Variants in AASDH observed in about 807,000 individuals in gnomAD.
AASDH encodes aminoadipate-semialdehyde dehydrogenase, also known as beta-alanine-activating enzyme.
A neutral mutation model predicts 102.3 loss-of-function variants in AASDH; 81 were observed. The ratio of observed to expected loss-of-function variants is 0.79; its 90% CI spans 0.66 to 0.95. The LOEUF (loss-of-function observed/expected upper bound fraction) is 0.95. Among genes scored for constraint, AASDH ranks in the 40% least tolerant of loss-of-function variants. The pLI, the probability that AASDH is intolerant of heterozygous loss-of-function variation, is 0.00. For missense variants in AASDH, 1,203 were observed against 1,266.2 expected (o/e 0.95, Z 0.76); for synonymous variants, 398 against 454.0 (o/e 0.88, Z 1.57).
chr4:56,371,585 C>A lies in AASDH; in HGVS notation c.727G>T (p.Asp243Tyr), dbSNP rs188668680. 1.2e-6 allele frequency: 2 copies of A among 1,612,996 alleles called. No individual in the cohort carries two copies. Among genetic ancestry groups the A allele is most frequent in the Non-Finnish European group, 1.7e-6 (2 of 1,179,816 alleles). ...VLFLASPLTF[D>Y]PSVVEIFLAL... ...AGAAATATTTCCACAACAGAAGGAT[C>A]GAAGGTCAGAGGTGAAGCCAGAAAC... The change falls in exon 5 of 15, where the codon GAT (aspartate) becomes TAT (tyrosine). Residue 243 changes from aspartate (D) to tyrosine (Y), a missense_variant. Asp to Tyr is a radical substitution (Grantham distance 160). Coordinates refer to ENST00000205214, the MANE Select transcript of AASDH (RefSeq NM_181806.4).
intron 2 of AASDH, among the ~76,000 whole-genome samples, chr4:56,383,017 G>C (rs867802197): frequency 2.3e-4 from 35 of 152,160 alleles, no homozygotes; most frequent in Admixed American, 2.0e-4. Context: ...AGATCACGCC[G>C]TTGCACTCCA....
At chr4:56,355,899 G>A (rs1270673188) in intron 5 of AASDH, among the ~76,000 whole-genome samples, 2 of 152,086 alleles carry the variant, frequency 1.3e-5, no homozygotes, top group South Asian at 2.1e-4. Context: ...TTACAGGCAT[G>A]AGCCACCATG....
intron 4 of AASDH, among the ~76,000 whole-genome samples, chr4:56,376,509 T>C (rs1752353204): frequency 6.6e-6 from 1 of 152,218 alleles, no homozygotes; most frequent in Non-Finnish European, 1.5e-5. Flanking sequence ...CACTAAAGAC[T>C]ATATTGTCGA....
At chr4:56,385,358 T>A (rs1753428907) in intron 1 of AASDH, among the ~76,000 whole-genome samples, 1 of 152,234 alleles carries the variant, frequency 6.6e-6, no homozygotes, top group Admixed American at 6.5e-5. Context: ...TAAGTTCACT[T>A]AGACTGAAAA....
At chr4:56,380,878 G>C (rs922251481) in intron 3 of AASDH, among the ~76,000 whole-genome samples, 1 of 152,234 alleles carries the variant, frequency 6.6e-6, no homozygotes, top group African/African-American at 2.4e-5. Context: ...AATATGTCTA[G>C]ACATTGCCAA....
intron 10 of AASDH, among the ~76,000 whole-genome samples, chr4:56,350,625 C>T (rs1338952346): frequency 2.0e-5 from 3 of 151,820 alleles, no homozygotes. Flanking sequence ...GTTTTCTTAC[C>T]CATAAAATTG....
chr4:56,382,460 GA>G lies in AASDH; in HGVS notation c.351+16del. On this transcript the variant is annotated intron_variant, in intron 3 of 14. Coordinates refer to ENST00000205214, the MANE Select transcript of AASDH (RefSeq NM_181806.4). ...AATGTAATACAGGCAAAAAACAATT[GA>G]AACATCCAGACTTACATTAATTTGT... The G allele has an allele frequency of 2.6e-6, 4 of 1,527,076 alleles. No homozygotes were observed. The South Asian group carries it at 3.6e-5, about 14-fold the overall frequency. The allele number at this position is 1,527,076 out of a possible 1,614,324, so 94.6% of individuals were successfully genotyped here. A position where few individuals can be genotyped will look rare whatever the true frequency, so the allele number is the denominator to read the frequency against.
rs1351634987 is a variant in AASDH, at chr4:56,378,164, T to C, written c.652A>G (p.Asn218Asp). The change falls in exon 4 of 15, where the codon AAT becomes GAT. Residue 218 changes from asparagine (N) to aspartate (D), a missense_variant. Coordinates refer to ENST00000205214, the MANE Select transcript of AASDH (RefSeq NM_181806.4). ...AGAACTTACCGAAAATGCTGGATAT[T>C]TGGTACTATACACTTATGAGGCACT... is the stretch of plus-strand genomic sequence containing the variant. ...VRVPHKCIVPNIQHFRVLFDI... is the reference protein window; with the variant it reads ...VRVPHKCIVPDIQHFRVLFDI... The C allele has an allele frequency of 1.2e-6, 2 of 1,601,516 alleles. No individual in the cohort carries two copies. Among genetic ancestry groups the C allele is most frequent in the African/African-American group, 2.7e-5 (2 of 74,146 alleles).
chr4:56,379,136 T>C (rs1752694110), intron 3 of AASDH, among the ~76,000 whole-genome samples: 1 of 151,872 alleles, frequency 6.6e-6, no homozygotes, highest in African/African-American at 2.4e-5. Context: ...ATCCGCCAGC[T>C]TCAGCCTCCC....
At chr4:56,368,220 CAG>C (rs1223717489) in intron 5 of AASDH, among the ~76,000 whole-genome samples, 4 of 152,152 alleles carry the variant, frequency 2.6e-5, no homozygotes, top group African/African-American at 9.7e-5. Context: ...CAGGAAACAA[CAG>C]GTGCTGGAGA....
intron 10 of AASDH, among the ~76,000 whole-genome samples, chr4:56,350,704 G>T (rs1748898040): frequency 6.6e-6 from 1 of 151,880 alleles, no homozygotes; most frequent in Non-Finnish European, 1.5e-5. Flanking sequence ...TCTATAATAT[G>T]GGAATAATTT....
At chr4:56,374,656 T>G (rs771534113) in intron 4 of AASDH, among the ~76,000 whole-genome samples, 1 of 152,206 alleles carries the variant, frequency 6.6e-6, no homozygotes, top group Non-Finnish European at 1.5e-5. Flanking sequence ...CAAATAAATT[T>G]ACAAATACAT....
chr4:56,350,020 A>G lies in AASDH; in HGVS notation c.1731T>C (p.Pro577=), dbSNP rs748787886. 13 of 1,603,534 alleles carry G rather than the reference A, an allele frequency of 8.1e-6. No homozygotes were observed. The highest frequency in any genetic ancestry group is 1.0e-5 in the Non-Finnish European group (12 of 1,178,842). Residue 577 remains proline, a synonymous_variant, in exon 11 of 15, where the codon CCT becomes CCC. Transcript: ENST00000205214. ...LNLPEDLLRV[P]DESLFLNSGG... ...CACTATTTAAGAAGAGTGACTCATC[A>G]GGAACCCTCAAAAGATCTTCTGGGA...
intron 5 of AASDH, among the ~76,000 whole-genome samples, chr4:56,370,036 A>C (rs1463775207): frequency 2.0e-5 from 3 of 151,990 alleles, no homozygotes; most frequent in Non-Finnish European, 4.4e-5. Flanking sequence ...TATGGTCTGA[A>C]TGTTTGTGTC....
At chr4:56,368,971 C>T (rs906374457) in intron 5 of AASDH, among the ~76,000 whole-genome samples, 9 of 151,946 alleles carry the variant, frequency 5.9e-5, no homozygotes, top group African/African-American at 2.2e-4. Flanking sequence ...AGAAAAGGCA[C>T]GTGCCTCACA....
At chr4:56,369,813 G>A (rs1013936844) in intron 5 of AASDH, among the ~76,000 whole-genome samples, 4 of 151,970 alleles carry the variant, frequency 2.6e-5, no homozygotes, top group Admixed American at 2.6e-4. Context: ...GGTGGTACAC[G>A]CCTGTAATCC....
chr4:56,360,131 T>G (rs943155133), intron 5 of AASDH, among the ~76,000 whole-genome samples: 3 of 152,270 alleles, frequency 2.0e-5, no homozygotes, highest in East Asian at 3.9e-4. Flanking sequence ...TCATTCAAAG[T>G]TCAGGTCATT....
intron 9 of AASDH, among the ~76,000 whole-genome samples, chr4:56,352,454 C>T (rs915338840): frequency 1.4e-4 from 21 of 152,068 alleles, no homozygotes; most frequent in African/African-American, 2.9e-4. Context: ...AGTGCAGTGG[C>T]GCAACCTCGG....
Position 56,349,558 on chromosome 4 carries a change from T to C in AASDH, c.2193A>G (p.Ser731=). ...CTTTTGCAACACAGGATGGATCTTTTGACTTCCCAATAAGAACTGGAGAAT... is the reference window on the plus strand; with the variant it reads ...CTTTTGCAACACAGGATGGATCTTTCGACTTCCCAATAAGAACTGGAGAAT... ...GLNSPVLIGK[S]KDPSCVAKVS... Residue 731 remains serine (S), a synonymous_variant, in exon 11 of 15, where the codon TCA becomes TCG. Transcript: ENST00000205214. 6.2e-7 allele frequency: 1 copy of C among 1,614,220 alleles called. No homozygotes were observed.
Sources: gnomAD v4.1 joint callset for allele counts (sites outside exome capture counted in the v4.1 genomes callset) on GRCh38, gnomAD v4.1.1 for gene constraint, MANE v1.5 for transcripts, NCBI Gene and HGNC (gene_info 2026-07-23, HGNC 2026-07-21) for gene names.